The following FAT3 variants were observed in gnomAD, a reference collection of about 807,000 sequenced individuals.
FAT3 encodes FAT atypical cadherin 3.
Under a neutral mutation model 310.2 loss-of-function variants are expected in FAT3, and 95 were observed. That is an observed-to-expected ratio of 0.31 (90% CI 0.26 to 0.36). FAT3 has a LOEUF of 0.36. FAT3 is among the 10% of genes least tolerant of loss of function. The pLI is 1.00. For synonymous variants in FAT3, 2,314 were observed against 2,192.9 expected, an observed-to-expected ratio of 1.06 and a Z score of -1.54; for missense variants, 5,408 against 5,715.6, an observed-to-expected ratio of 0.95 and a Z score of 1.74.
intron 4 of FAT3, among the ~76,000 whole-genome samples, chr11:92,708,915 C>T (rs182003633): frequency 1.3e-5 from 2 of 152,174 alleles, no homozygotes; most frequent in African/African-American, 2.4e-5. Context: ...ATGAGTCAAC[C>T]GTGGGTCTGG....
At chr11:92,544,350 A>G (rs775101008) in intron 3 of FAT3, among the ~76,000 whole-genome samples, 1 of 152,192 alleles carries the variant, frequency 6.6e-6, no homozygotes, top group Non-Finnish European at 1.5e-5. Context: ...ATTTCAAAAT[A>G]GCTAGAAGGG....
chr11:92,801,266 C>A lies in FAT3; in HGVS notation c.8253C>A (p.Asn2751Lys). Residue 2751 changes from asparagine (N) to lysine (K), a missense_variant, in exon 10 of 28, where the codon AAC (asparagine) becomes AAA (lysine). Asn to Lys is a moderately conservative substitution (Grantham distance 94). This residue lies in a region of FAT3 where 4,588 missense variants were observed against 4,809.8 expected (regional missense o/e 0.95). Transcript: ENST00000525166. ...TTAATGGGGAACGGCCAGAAAATAA[C>A]AAAGGGGGCATATTCGTCATAGAAC... ...STVNGERPENNKGGIFVIEQE... is the reference protein window; with the variant it reads ...STVNGERPENKKGGIFVIEQE... The A allele has an allele frequency of 3.1e-6, 5 of 1,613,834 alleles. No homozygotes were observed. The highest frequency in any genetic ancestry group is 4.2e-6 in the Non-Finnish European group (5 of 1,179,854).
chr11:92,590,729 A>G (rs767805033), intron 3 of FAT3, among the ~76,000 whole-genome samples: 14 of 152,134 alleles, frequency 9.2e-5, no homozygotes, highest in African/African-American at 3.1e-4. Context: ...TTTATTGCCT[A>G]TTCATTATAT....
At position 92,880,040 on chromosome 11, in the gene FAT3, C is replaced by T. The variant is rs115063094; in HGVS notation, c.12128-691C>T. On this transcript the variant is annotated intron_variant, in intron 22 of 27. Transcript: ENST00000525166. ...CAAGAGATAATGCATCTCAAGAGGT[C>T]GATAATGCCTCTTTCCACATCTGAT... Among the ~76,000 whole-genome samples, 1,184 of 151,348 alleles carry T rather than the reference C, an allele frequency of 7.8e-3. 11 individuals carry two copies. The highest frequency in any genetic ancestry group is 0.027 in the African/African-American group (1,119 of 41,240).
At chr11:92,646,444 C>T (rs897639111) in intron 3 of FAT3, among the ~76,000 whole-genome samples, 4 of 152,230 alleles carry the variant, frequency 2.6e-5, no homozygotes, top group African/African-American at 9.6e-5. Context: ...CCAAGGCCAG[C>T]CCAGATTCAA....
intron 3 of FAT3, among the ~76,000 whole-genome samples, chr11:92,653,593 C>A (rs770579780): frequency 6.6e-6 from 1 of 152,168 alleles, no homozygotes; most frequent in Non-Finnish European, 1.5e-5. Context: ...ACTCCCTTTA[C>A]TAAAGCAATT....
intron 2 of FAT3, among the ~76,000 whole-genome samples, chr11:92,452,566 T>A (rs1242124899): frequency 6.6e-6 from 1 of 152,058 alleles, no homozygotes; most frequent in East Asian, 1.9e-4. Context: ...CATAGAAAGG[T>A]TGTTAAAGTA....
chr11:92,550,734 A>AT (rs1394276283), intron 3 of FAT3, among the ~76,000 whole-genome samples: 1 of 151,016 alleles, frequency 6.6e-6, no homozygotes, highest in Non-Finnish European at 1.5e-5. Flanking sequence ...GACTTTTAGA[A>AT]TTACCTTGTT....
chr11:92,805,814 A>C (rs546704901), intron 11 of FAT3, among the ~76,000 whole-genome samples: 1 of 152,202 alleles, frequency 6.6e-6, no homozygotes, highest in Non-Finnish European at 1.5e-5. Flanking sequence ...ATGCCATTGC[A>C]AGGTACAAGT....
rs974148025 is a variant in FAT3, at chr11:92,232,638, T to G, written c.-18+7464T>G. On this transcript the variant is annotated intron_variant, in intron 1 of 27. Transcript: ENST00000525166. ...GACTTCAGTGATGTCGTTTTTTTTT[T>G]TTTTTTTTTTTTTTTTGTTTAACTG... 1.1e-3 allele frequency among the ~76,000 whole-genome samples: 155 copies of G among 144,470 alleles called. 1 individual carries two copies. Among genetic ancestry groups the G allele is most frequent in the African/African-American group, 3.9e-3 (150 of 38,868 alleles). The allele number at this position is 144,470 out of a possible 152,430, so 94.8% of individuals were successfully genotyped here. A position where few individuals can be genotyped will look rare whatever the true frequency, so the allele number is the denominator to read the frequency against.
chr11:92,357,991 G>C (rs568222974), intron 2 of FAT3, among the ~76,000 whole-genome samples: 167 of 140,174 alleles, frequency 1.2e-3, no homozygotes, highest in Non-Finnish European at 2.1e-3. Context: ...CAGTATGGTG[G>C]AATTCCTAAA....
At chr11:92,373,972 AG>A (rs1168594468) in intron 2 of FAT3, among the ~76,000 whole-genome samples, 2 of 151,720 alleles carry the variant, frequency 1.3e-5, no homozygotes, top group Non-Finnish European at 2.9e-5. Flanking sequence ...CCTCAAAACC[AG>A]GGGAGACTAT....
chr11:92,796,178 CTGT>C (rs761882187), intron 9 of FAT3, among the ~76,000 whole-genome samples: 1 of 152,248 alleles, frequency 6.6e-6, no homozygotes, highest in Non-Finnish European at 1.5e-5. Flanking sequence ...TGTGGATCAC[CTGT>C]TGGATTCACA....
At chr11:92,814,074 G>A (rs532247181) in intron 13 of FAT3, among the ~76,000 whole-genome samples, 4 of 152,232 alleles carry the variant, frequency 2.6e-5, no homozygotes, top group South Asian at 2.1e-4. Flanking sequence ...CAAATAGAAC[G>A]TGCCCCCACC....
At chr11:92,275,275 A>G (rs1019682625) in intron 1 of FAT3, among the ~76,000 whole-genome samples, 15 of 151,892 alleles carry the variant, frequency 9.9e-5, no homozygotes, top group Admixed American at 4.6e-4. Flanking sequence ...CTCCCTAGCA[A>G]TCCTTCCATG....
chr11:92,373,809 C>G (rs543193418), intron 2 of FAT3, among the ~76,000 whole-genome samples: 77 of 133,630 alleles, frequency 5.8e-4, no homozygotes, highest in South Asian at 3.1e-3. Flanking sequence ...CACACACACA[C>G]AGAGACATAG....
Position 92,799,483 on chromosome 11 carries a change from C to G in FAT3, c.6470C>G (p.Thr2157Ser). ...TTGTCCAACATTGAGTATGGAGTCA[C>G]CATCCTAGCCAAGGATGGCGGAAAA... ...SDLSNIEYGV[T>S]ILAKDGGKPS... Residue 2157 changes from threonine (T) to serine (S), a missense_variant, in exon 10 of 28, where the codon ACC (threonine) becomes AGC (serine). Around this residue, in one of 5 missense-constraint regions of FAT3, gnomAD observed 4,588 missense variants for 4,809.8 expected, o/e 0.95. Coordinates refer to ENST00000525166, the MANE Select transcript of FAT3 (RefSeq NM_001367949.2). 1 of 1,613,608 alleles carries G rather than the reference C, an allele frequency of 6.2e-7. No homozygotes were observed. The highest frequency in any genetic ancestry group is 8.5e-7 in the Non-Finnish European group (1 of 1,179,774).
chr11:92,773,925 A>T (rs1946525094), intron 6 of FAT3, 116 bp from the exon 7 acceptor site: 3 of 1,065,734 alleles, frequency 2.8e-6, no homozygotes, highest in Non-Finnish European at 2.7e-6. Flanking sequence ...AAATTGAGCC[A>T]TAGGGATGCC....
intron 3 of FAT3, among the ~76,000 whole-genome samples, chr11:92,623,091 T>C (rs1259243740): frequency 1.3e-5 from 2 of 149,428 alleles, no homozygotes; most frequent in African/African-American, 2.5e-5. Flanking sequence ...TTGGCGTTCA[T>C]CTCTGATGTT....
Sources: allele counts gnomAD v4.1 joint callset (sites outside exome capture counted in the v4.1 genomes callset), GRCh38; gene constraint gnomAD v4.1.1; regional missense constraint gnomAD v4.1.1; transcripts MANE v1.5; gene names NCBI Gene and HGNC (gene_info 2026-07-23, HGNC 2026-07-21).